Variants in CHN1 observed in about 807,000 individuals in gnomAD.
CHN1 encodes the protein chimerin 1.
Under a neutral mutation model 59.5 loss-of-function variants are expected in CHN1, and 37 were observed. The ratio of observed to expected loss-of-function variants is 0.62; its 90% CI spans 0.48 to 0.82. The LOEUF (loss-of-function observed/expected upper bound fraction) is 0.82, where lower values mean the gene tolerates loss of function less well. Ranked by LOEUF, CHN1 falls within the 40% of genes least tolerant of loss-of-function variation. The pLI is 0.00. For missense variants in CHN1, 469 were observed against 571.0 expected (o/e 0.82, Z 1.82); for synonymous variants, 206 against 200.4 (o/e 1.03, Z -0.24).
chr2:174,915,573 G>A (rs755005814), intron 4 of CHN1, among the ~76,000 whole-genome samples: 1 of 151,164 alleles, frequency 6.6e-6, no homozygotes, highest in Non-Finnish European at 1.5e-5. Context: ...TAGTAGCACT[G>A]CTCCAAAATT....
chr2:174,974,936 C>CAG, intron 1 of CHN1, among the ~76,000 whole-genome samples: 1 of 150,122 alleles, frequency 6.7e-6, no homozygotes, highest in African/African-American at 2.4e-5. Flanking sequence ...CACACACACA[C>CAG]AGAACAAATC....
chr2:174,921,024 G>C (rs1387045356), intron 3 of CHN1: 1 of 419,490 alleles, frequency 2.4e-6, no homozygotes, highest in Non-Finnish European at 5.0e-6. Flanking sequence ...GCGTTCCCAT[G>C]AGTCTAATAT....
intron 1 of CHN1, among the ~76,000 whole-genome samples, chr2:174,986,659 C>A (rs897349718): frequency 1.3e-5 from 2 of 152,200 alleles, no homozygotes; most frequent in African/African-American, 4.8e-5. Flanking sequence ...TCAGTCTACT[C>A]AACATGAAGA....
At chr2:174,896,696 T>G (rs1202964659) in intron 5 of CHN1, among the ~76,000 whole-genome samples, 1 of 152,092 alleles carries the variant, frequency 6.6e-6, no homozygotes, top group Non-Finnish European at 1.5e-5. Flanking sequence ...TTCATCCTCT[T>G]AATCTGCAAA....
At chr2:174,963,177 C>T (rs564140154) in intron 1 of CHN1, among the ~76,000 whole-genome samples, 16 of 152,044 alleles carry the variant, frequency 1.1e-4, no homozygotes, top group Non-Finnish European at 1.9e-4. Flanking sequence ...AGTTACGAGG[C>T]GGGTCCAGAT....
chr2:174,980,903 C>G (rs1488717761), intron 1 of CHN1, among the ~76,000 whole-genome samples: 1 of 152,090 alleles, frequency 6.6e-6, no homozygotes, highest in East Asian at 1.9e-4. Context: ...GAAAATATGA[C>G]TTAGCTAGAA....
intron 1 of CHN1, among the ~76,000 whole-genome samples, chr2:174,989,710 A>G (rs1691474107): frequency 6.6e-6 from 1 of 152,056 alleles, no homozygotes; most frequent in Non-Finnish European, 1.5e-5. Flanking sequence ...GGATCGCCTG[A>G]GCCCAGGAGG....
intron 1 of CHN1, among the ~76,000 whole-genome samples, chr2:174,970,033 C>T (rs1690712166): frequency 6.6e-6 from 1 of 152,312 alleles, no homozygotes; most frequent in Middle Eastern, 3.4e-3. Flanking sequence ...GGCAATTAGG[C>T]TGTCACTGTA....
chr2:174,897,605 T>C (rs1357426770), intron 5 of CHN1, among the ~76,000 whole-genome samples: 1 of 151,918 alleles, frequency 6.6e-6, no homozygotes, highest in African/African-American at 2.4e-5. Context: ...AAAAACAGTG[T>C]AGAGTTTCAT....
intron 7 of CHN1, chr2:174,846,415 T>TAACA (rs1181223618): frequency 4.8e-5 from 74 of 1,542,094 alleles, no homozygotes; most frequent in Non-Finnish European, 6.1e-5. Flanking sequence ...GTCAATTCAT[T>TAACA]AACAGGGGAG....
rs1327277589 is a variant in CHN1, at chr2:174,846,953, G to A, written c.554C>T (p.Thr185Ile). ...CAGAGTTGCTCTTCTAACAAGTGAT[G>A]TCAACTGCGAATAAGCAAAGAGTTT... Reference protein sequence around the residue: ...GQDGVSEKRLTSLVRRATLKE... With the variant: ...GQDGVSEKRLISLVRRATLKE... The change falls in exon 7 of 13, where the codon ACA becomes ATA. Residue 185 changes from threonine to isoleucine, a missense_variant. This residue lies in a region of CHN1 where 81 missense variants were observed against 71.7 expected (regional missense o/e 1.13). Coordinates refer to ENST00000409900, the MANE Select transcript of CHN1 (RefSeq NM_001822.7). 2.0e-5 allele frequency: 31 copies of A among 1,553,860 alleles called. No individual in the cohort carries two copies. Among genetic ancestry groups the A allele is most frequent in the Non-Finnish European group, 2.6e-5 (30 of 1,147,812 alleles).
intron 5 of CHN1, among the ~76,000 whole-genome samples, chr2:174,912,030 G>A (rs1688718030): frequency 1.3e-5 from 2 of 152,202 alleles, no homozygotes; most frequent in Admixed American, 6.5e-5. Flanking sequence ...TGTGTGAGAT[G>A]AGCAACAAAG....
chr2:174,946,022 C>T (rs1233825044), intron 2 of CHN1, among the ~76,000 whole-genome samples: 3 of 151,924 alleles, frequency 2.0e-5, no homozygotes, highest in Non-Finnish European at 2.9e-5. Context: ...ACTGTGAGTA[C>T]TTCTATGCAA....
intron 2 of CHN1, among the ~76,000 whole-genome samples, chr2:174,945,945 ATG>A (rs1169281264): frequency 6.6e-6 from 1 of 151,720 alleles, no homozygotes; most frequent in Non-Finnish European, 1.5e-5. Flanking sequence ...ATATATATAA[ATG>A]TGTGTGTATA....
chr2:174,801,945 G>T, intron 11 of CHN1, 133 bp from the exon 12 acceptor site: 1 of 656,172 alleles, frequency 1.5e-6, no homozygotes, highest in Non-Finnish European at 2.6e-6. Flanking sequence ...CTTGTCCACA[G>T]CTTTGGAAAT....
intron 5 of CHN1, among the ~76,000 whole-genome samples, chr2:174,883,485 C>T (rs1687796295): frequency 6.6e-6 from 1 of 152,008 alleles, no homozygotes; most frequent in Non-Finnish European, 1.5e-5. Context: ...CTGATCAACT[C>T]AACAAAAAAA....
In CHN1 at chr2:174,820,855, G is replaced by A. The variant is rs368664627; in HGVS notation, c.712+3579C>T. Among the ~76,000 whole-genome samples the A allele has an allele frequency of 2.6e-5, 4 of 152,112 alleles. 1 individual carries two copies. Among genetic ancestry groups the A allele is most frequent in the South Asian group, 2.1e-4 (1 of 4,820 alleles). The stretch of plus-strand genomic sequence containing the variant: ...ATGATGTTTAAAAAAGGGCTGTGGC[G>A]AGGGACACAAAATTGCTGCTTTTGG... On this transcript the variant is annotated intron_variant, in intron 8 of 12. Transcript: ENST00000409900.
At chr2:174,905,487 T>C (rs1005027160) in intron 5 of CHN1, among the ~76,000 whole-genome samples, 1 of 152,218 alleles carries the variant, frequency 6.6e-6, no homozygotes, top group Admixed American at 6.5e-5. Context: ...CTGTTATGTA[T>C]GCATACTTTT....
intron 7 of CHN1, among the ~76,000 whole-genome samples, chr2:174,844,864 T>C (rs1686454083): frequency 6.6e-6 from 1 of 152,230 alleles, no homozygotes; most frequent in African/African-American, 2.4e-5. Context: ...TTGTCTAAAA[T>C]GAACTCTTTC....
Sources: gnomAD v4.1 joint callset for allele counts (sites outside exome capture counted in the v4.1 genomes callset) on GRCh38, gnomAD v4.1.1 for gene constraint, gnomAD v4.1.1 regional missense constraint, MANE v1.5 for transcripts, NCBI Gene and HGNC (gene_info 2026-07-23, HGNC 2026-07-21) for gene names.